Variants in TRPC4 observed in about 807,000 individuals in gnomAD.
TRPC4 encodes the protein short transient receptor potential channel 4.
A neutral mutation model predicts 99.4 loss-of-function variants in TRPC4; 49 were observed. That is an observed-to-expected ratio of 0.49 (90% CI 0.39 to 0.63). The LOEUF (loss-of-function observed/expected upper bound fraction) is 0.63, where lower values mean the gene tolerates loss of function less well. Ranked by LOEUF, TRPC4 falls within the 20% of genes least tolerant of loss-of-function variation. The pLI, the probability that TRPC4 is intolerant of heterozygous loss-of-function variation, is 0.00. For missense variants in TRPC4, 898 were observed against 1,152.9 expected, an observed-to-expected ratio of 0.78 and a Z score of 3.20; for synonymous variants, 454 against 425.9, an observed-to-expected ratio of 1.07 and a Z score of -0.81.
intron 1 of TRPC4, among the ~76,000 whole-genome samples, chr13:37,846,689 T>C (rs919050502): frequency 3.3e-5 from 5 of 150,614 alleles, no homozygotes; most frequent in Admixed American, 1.3e-4. Context: ...AATTAAAAAA[T>C]GCCAGCAACA....
At chr13:37,798,832 A>G (rs1957319457) in intron 1 of TRPC4, among the ~76,000 whole-genome samples, 1 of 152,138 alleles carries the variant, frequency 6.6e-6, no homozygotes, top group Non-Finnish European at 1.5e-5. Flanking sequence ...ATATTATACT[A>G]GAAATATATT....
intron 3 of TRPC4, among the ~76,000 whole-genome samples, chr13:37,716,580 C>T (rs1954674777): frequency 6.6e-6 from 1 of 151,972 alleles, no homozygotes; most frequent in Non-Finnish European, 1.5e-5. Context: ...TACATAGTAT[C>T]TTGAGGAAGT....
intron 2 of TRPC4, among the ~76,000 whole-genome samples, chr13:37,781,393 G>C (rs1409469484): frequency 6.6e-6 from 1 of 152,048 alleles, no homozygotes; most frequent in Non-Finnish European, 1.5e-5. Flanking sequence ...AAATACTTGA[G>C]AGGTACAGCT....
At chr13:37,655,052 G>A in intron 7 of TRPC4, 36 bp downstream of exon 7, 1 of 1,428,532 alleles carries the variant, frequency 7.0e-7, no homozygotes, top group African/African-American at 1.4e-5. Context: ...ACATTCTAGA[G>A]GAAACATTGA....
At chr13:37,671,790 T>G (rs748628877) in intron 5 of TRPC4, among the ~76,000 whole-genome samples, 6 of 152,184 alleles carry the variant, frequency 3.9e-5, no homozygotes, top group Non-Finnish European at 7.4e-5. Flanking sequence ...GACTCCACAG[T>G]GCATGCCAAT....
At chr13:37,756,633 A>G (rs1458272778) in intron 2 of TRPC4, among the ~76,000 whole-genome samples, 3 of 151,384 alleles carry the variant, frequency 2.0e-5, no homozygotes, top group African/African-American at 2.4e-5. Flanking sequence ...CCCAGGTTCA[A>G]TCGATTCTCC....
chr13:37,861,853 C>T (rs914599568), intron 1 of TRPC4, among the ~76,000 whole-genome samples: 15 of 151,486 alleles, frequency 9.9e-5, no homozygotes, highest in Admixed American at 1.3e-4. Flanking sequence ...TTTAGAGGCT[C>T]TCAGATGCTT....
Position 37,663,567 on chromosome 13 carries a change from G to T in TRPC4, c.1537C>A (p.Leu513Ile). The T allele has an allele frequency of 6.2e-7, 1 of 1,614,194 alleles. No individual in the cohort carries two copies. The highest frequency in any genetic ancestry group is 2.2e-5 in the East Asian group (1 of 44,880). The change falls in exon 6 of 11, where the codon CTC (leucine) becomes ATC (isoleucine). Residue 513 changes from leucine to isoleucine, a missense_variant. This residue lies in a region of TRPC4 where 274 missense variants were observed against 454.9 expected (regional missense o/e 0.60). Transcript: ENST00000379705. ...GPLQISLGRM[L>I]LDILKFLFIY... ...AATAGAAACTTCAAAATGTCCAGGA[G>T]CATTCTTCCCAGAGATATTTGCAGA...
intron 1 of TRPC4, among the ~76,000 whole-genome samples, chr13:37,860,059 G>A (rs566318917): frequency 6.6e-6 from 1 of 151,252 alleles, no homozygotes; most frequent in Non-Finnish European, 1.5e-5. Flanking sequence ...GCATTGTTTT[G>A]TGTTACACTT....
chr13:37,760,244 A>G (rs1484419281), intron 2 of TRPC4, among the ~76,000 whole-genome samples: 2 of 151,872 alleles, frequency 1.3e-5, no homozygotes, highest in Non-Finnish European at 2.9e-5. Context: ...ACTGTGCACT[A>G]CACTTCAGTA....
chr13:37,792,999 G>A (rs1309180205), intron 1 of TRPC4, among the ~76,000 whole-genome samples: 1 of 152,036 alleles, frequency 6.6e-6, no homozygotes, highest in Non-Finnish European at 1.5e-5. Context: ...GACGAGAGAA[G>A]TAATTAGACA....
chr13:37,780,608 C>T (rs1460056624), intron 2 of TRPC4, among the ~76,000 whole-genome samples: 2 of 152,118 alleles, frequency 1.3e-5, no homozygotes, highest in Non-Finnish European at 2.9e-5. Flanking sequence ...TGAAAACTGT[C>T]ATTCCAAAAG....
intron 1 of TRPC4, among the ~76,000 whole-genome samples, chr13:37,786,959 A>G (rs1956985300): frequency 6.6e-6 from 1 of 152,038 alleles, no homozygotes; most frequent in African/African-American, 2.4e-5. Flanking sequence ...CTTGACATTG[A>G]TCCAAAGAGA....
At chr13:37,713,000 A>G (rs1012931759) in intron 3 of TRPC4, among the ~76,000 whole-genome samples, 3 of 152,212 alleles carry the variant, frequency 2.0e-5, no homozygotes, top group Admixed American at 2.0e-4. Context: ...CAGGCTAACT[A>G]AGATTTGTTG....
intron 3 of TRPC4, among the ~76,000 whole-genome samples, chr13:37,697,201 A>G (rs1264479693): frequency 6.6e-6 from 1 of 152,184 alleles, no homozygotes; most frequent in African/African-American, 2.4e-5. Context: ...CAGTGGCTAG[A>G]TAAGTGAGGG....
chr13:37,852,853 T>G lies in TRPC4; in HGVS notation c.-28+16742A>C, dbSNP rs546043677. On this transcript the variant is annotated intron_variant, in intron 1 of 10. Transcript: ENST00000379705. Reference sequence around the variant, plus strand: ...CTCCACCATGGGCCAGTGGTGGTGATGCCCACCAGATGAAGCTCCTTTGCC... The same window carrying G: ...CTCCACCATGGGCCAGTGGTGGTGAGGCCCACCAGATGAAGCTCCTTTGCC... Among the ~76,000 whole-genome samples the G allele has an allele frequency of 1.1e-3, 168 of 152,288 alleles. 1 individual carries two copies. The highest frequency in any genetic ancestry group is 3.9e-3 in the African/African-American group (164 of 41,548).
At chr13:37,738,861 G>A (rs1361861606) in intron 3 of TRPC4, among the ~76,000 whole-genome samples, 2 of 152,158 alleles carry the variant, frequency 1.3e-5, no homozygotes, top group Admixed American at 6.5e-5. Context: ...TGGACTTTAT[G>A]TGATAGACAT....
chr13:37,748,677 G>A (rs577747237), intron 2 of TRPC4, among the ~76,000 whole-genome samples: 17 of 151,538 alleles, frequency 1.1e-4, no homozygotes, highest in Admixed American at 5.9e-4. Flanking sequence ...ATCTCATTAA[G>A]AATTTCAAAT....
At position 37,632,444 on chromosome 13, in the gene TRPC4, C is replaced by G. The variant is rs1429343788; in HGVS notation, c.*4459G>C. On this transcript the variant is annotated 3_prime_UTR_variant, in exon 11 of 11. Coordinates refer to ENST00000379705, the MANE Select transcript of TRPC4 (RefSeq NM_016179.4). ...TGTGTGTTTCACACTTACAGCACATCTTAATTCAGACTTGTCACACTTACA... is the reference window on the plus strand; with the variant it reads ...TGTGTGTTTCACACTTACAGCACATGTTAATTCAGACTTGTCACACTTACA... 6.6e-6 allele frequency among the ~76,000 whole-genome samples: 1 copy of G among 152,188 alleles called. No individual in the cohort carries two copies. The highest frequency in any genetic ancestry group is 1.5e-5 in the Non-Finnish European group (1 of 68,042).
Sources: gnomAD v4.1 joint callset for allele counts (sites outside exome capture counted in the v4.1 genomes callset) on GRCh38, gnomAD v4.1.1 for gene constraint, gnomAD v4.1.1 regional missense constraint, MANE v1.5 for transcripts, NCBI Gene and HGNC (gene_info 2026-07-23, HGNC 2026-07-21) for gene names.